Variants in EYS observed in about 807,000 individuals in gnomAD.
EYS encodes the protein EGF-like photoreceptor maintenance factor.
EYS carries 250 observed loss-of-function variants against 282.1 expected under a neutral mutation model. The ratio of observed to expected loss-of-function variants is 0.89; its 90% CI spans 0.80 to 0.98. The LOEUF is 0.98. EYS is among the 50% of genes least tolerant of loss of function. The pLI, the probability that EYS is intolerant of heterozygous loss-of-function variation, is 0.00. For synonymous variants in EYS, 1,355 were observed against 1,282.9 expected (o/e 1.06, Z -1.20); for missense variants, 4,016 against 3,709.0 (o/e 1.08, Z -2.15).
In EYS at chr6:65,040,081, C is replaced by A. The variant is rs561502351; in HGVS notation, c.2137+17533G>T. Among the ~76,000 whole-genome samples, 4 of 151,694 alleles carry A rather than the reference C, an allele frequency of 2.6e-5. No homozygotes were observed. In the South Asian group the frequency reaches 8.3e-4, roughly 31 times the overall value. ...GTTCTCAACTTCACCATTAATGACA[C>A]TTTTATCAGATAATTTTTAGTTGTA... On this transcript the variant is annotated intron_variant, in intron 13 of 42. Transcript: ENST00000503581.
At chr6:65,313,905 C>T (rs1769228222) in intron 11 of EYS, among the ~76,000 whole-genome samples, 3 of 152,138 alleles carry the variant, frequency 2.0e-5, no homozygotes, top group Admixed American at 2.0e-4. Flanking sequence ...AATAAAAGCC[C>T]AAGTCCTATA....
At chr6:65,189,180 A>C (rs979346722) in intron 12 of EYS, among the ~76,000 whole-genome samples, 3 of 151,694 alleles carry the variant, frequency 2.0e-5, no homozygotes, top group Admixed American at 1.3e-4. Flanking sequence ...TATTTATGAT[A>C]GTAATTTGCA....
chr6:65,164,932 G>C (rs529834083), intron 12 of EYS, among the ~76,000 whole-genome samples: 67 of 151,154 alleles, frequency 4.4e-4, no homozygotes, highest in Admixed American at 1.8e-3. Context: ...TTCAATTAGG[G>C]GCCACCATAA....
intron 1 of EYS, among the ~76,000 whole-genome samples, chr6:65,691,888 T>C (rs1367877726): frequency 1.3e-5 from 2 of 150,226 alleles, no homozygotes; most frequent in Non-Finnish European, 3.0e-5. Context: ...GATCAGATGG[T>C]TATAGATGTG....
intron 31 of EYS, among the ~76,000 whole-genome samples, chr6:64,124,453 A>G (rs2150276329): frequency 6.6e-6 from 1 of 152,334 alleles, no homozygotes; most frequent in East Asian, 1.9e-4. Flanking sequence ...TAACATATGG[A>G]TCTGACCTCT....
At chr6:64,858,727 A>C (rs547704700) in intron 19 of EYS, among the ~76,000 whole-genome samples, 2 of 152,292 alleles carry the variant, frequency 1.3e-5, no homozygotes, top group African/African-American at 2.4e-5. Flanking sequence ...ATTAAGAAAA[A>C]TTATATGAAA....
At chr6:64,072,576 A>G (rs1215582165) in intron 32 of EYS, among the ~76,000 whole-genome samples, 2 of 151,816 alleles carry the variant, frequency 1.3e-5, no homozygotes. Context: ...CTGCACCAGC[A>G]CTTGTGTGTT....
intron 26 of EYS, among the ~76,000 whole-genome samples, chr6:64,451,807 C>A (rs182024021): frequency 6.6e-6 from 1 of 152,220 alleles, no homozygotes. Flanking sequence ...CAAAATTGAA[C>A]AACCTTCATG....
At chr6:65,370,829 T>C (rs1765115304) in intron 8 of EYS, among the ~76,000 whole-genome samples, 1 of 151,930 alleles carries the variant, frequency 6.6e-6, no homozygotes. Flanking sequence ...TAATTTGCCT[T>C]TAGGGCAATT....
chr6:64,961,964 C>T (rs886671924), intron 14 of EYS, among the ~76,000 whole-genome samples: 1 of 152,278 alleles, frequency 6.6e-6, no homozygotes, highest in African/African-American at 2.4e-5. Flanking sequence ...TTAAAATTCT[C>T]AATCCAGAGT....
At chr6:65,566,627 T>C (rs1769290049) in intron 2 of EYS, among the ~76,000 whole-genome samples, 1 of 152,008 alleles carries the variant, frequency 6.6e-6, no homozygotes, top group Non-Finnish European at 1.5e-5. Flanking sequence ...GTAACAAAAG[T>C]TAAAAAACAA....
At chr6:63,891,478 A>G (rs1439573265) in intron 35 of EYS, among the ~76,000 whole-genome samples, 4 of 152,216 alleles carry the variant, frequency 2.6e-5, no homozygotes, top group Admixed American at 6.5e-5. Context: ...AGAACCAATG[A>G]AAAAAACCAC....
intron 19 of EYS, among the ~76,000 whole-genome samples, chr6:64,861,226 C>T (rs914163229): frequency 5.9e-5 from 9 of 152,214 alleles, no homozygotes; most frequent in African/African-American, 2.4e-5. Context: ...CTCGTTGGTG[C>T]CCAAAGTCCA....
chr6:64,372,940 G>C (rs593039), intron 29 of EYS, among the ~76,000 whole-genome samples: 1 of 151,960 alleles, frequency 6.6e-6, no homozygotes, highest in African/African-American at 2.4e-5. Flanking sequence ...TCTTATAATG[G>C]CCATTTTGTC....
At chr6:64,965,796 C>A (rs180918849) in intron 14 of EYS, among the ~76,000 whole-genome samples, 1 of 152,226 alleles carries the variant, frequency 6.6e-6, no homozygotes, top group East Asian at 1.9e-4. Context: ...CAGCTACCTA[C>A]AAACTATTAC....
chr6:64,434,677 CATT>C (rs1461810795), intron 28 of EYS, among the ~76,000 whole-genome samples: 1 of 151,880 alleles, frequency 6.6e-6, no homozygotes, highest in Non-Finnish European at 1.5e-5. Context: ...CTAGTTATGT[CATT>C]ATCTGTACTT....
At chr6:63,874,822 G>C (rs1429247559) in intron 35 of EYS, among the ~76,000 whole-genome samples, 2 of 152,230 alleles carry the variant, frequency 1.3e-5, no homozygotes, top group Non-Finnish European at 2.9e-5. Flanking sequence ...CATCGATTTT[G>C]TATCCTGAGA....
intron 2 of EYS, among the ~76,000 whole-genome samples, chr6:65,608,473 G>A (rs1765880892): frequency 6.6e-6 from 1 of 150,716 alleles, no homozygotes; most frequent in African/African-American, 2.4e-5. Flanking sequence ...CACAAACACT[G>A]TACACTTTAT....
chr6:65,170,230 A>ACG (rs1765073338), intron 12 of EYS, among the ~76,000 whole-genome samples: 2 of 149,916 alleles, frequency 1.3e-5, no homozygotes, highest in Non-Finnish European at 3.0e-5. Flanking sequence ...GCGTGCACGC[A>ACG]CACACACACA....
Sources: allele counts gnomAD v4.1 joint callset (sites outside exome capture counted in the v4.1 genomes callset), GRCh38; gene constraint gnomAD v4.1.1; transcripts MANE v1.5; gene names NCBI Gene and HGNC (gene_info 2026-07-23, HGNC 2026-07-21).